SMARCA4: variants seen among roughly 807,000 people sequenced by gnomAD.
The protein encoded by SMARCA4 is SWI/SNF-related matrix-associated actin-dependent regulator of chromatin subfamily A member 4.
A neutral mutation model predicts 193.9 loss-of-function variants in SMARCA4; 31 were observed. The ratio of observed to expected loss-of-function variants is 0.16; its 90% confidence interval spans 0.12 to 0.22. The LOEUF is 0.22. Among genes scored for constraint, SMARCA4 ranks in the 10% least tolerant of loss-of-function variants. The pLI, the probability that SMARCA4 is intolerant of heterozygous loss-of-function variation, is 1.00. For synonymous variants in SMARCA4, 942 were observed against 933.1 expected (o/e 1.01, Z -0.17); for missense variants, 1,148 against 2,296.0 (o/e 0.50, Z 10.22).
chr19:10,963,278 TAGG>T (rs2083947437), intron 1 of SMARCA4, among the ~76,000 whole-genome samples: 1 of 146,750 alleles, frequency 6.8e-6, no homozygotes, highest in Non-Finnish European at 1.5e-5. Context: ...GAGGCTGAGG[TAGG>T]AGGACTGCTT....
At chr19:11,038,563 GTC>G (rs1448777342) in intron 29 of SMARCA4, among the ~76,000 whole-genome samples, 3 of 152,118 alleles carry the variant, frequency 2.0e-5, no homozygotes, top group African/African-American at 7.2e-5. Flanking sequence ...TCATTCTGGT[GTC>G]TCTCTCTTCC....
intron 8 of SMARCA4, among the ~76,000 whole-genome samples, chr19:10,993,567 A>G (rs76614166): frequency 0.015 from 2,283 of 152,186 alleles, 33 homozygotes; most frequent in Non-Finnish European, 0.019. Context: ...CATCCGTGCC[A>G]TGCTGCCCTG....
rs887116483 is a variant in SMARCA4 at position 11,033,092 on chromosome 19, G to C, written c.3547-198G>C. 1.5e-6 allele frequency: 1 copy of C among 655,448 alleles called. No homozygotes were observed. Among genetic ancestry groups the C allele is most frequent in the Non-Finnish European group, 2.8e-6 (1 of 359,052 alleles). 40.6% of individuals were successfully genotyped at this position (655,448 alleles called of 1,614,324 possible). On this transcript the variant is annotated intron_variant, in intron 25 of 34. Coordinates refer to ENST00000344626, the MANE Select transcript of SMARCA4 (RefSeq NM_003072.5). The surrounding 1 kb of genome is among the most constrained non-coding windows in gnomAD (Gnocchi z 9.8). ...TGGCACTTCTGGAGGAACGTGATGA[G>C]AGTCCCCTTCCCCCGAGGGACACAT... is the stretch of plus-strand genomic sequence containing the variant.
chr19:10,995,328 C>G, intron 9 of SMARCA4: 1 of 524,224 alleles, frequency 1.9e-6, no homozygotes, highest in South Asian at 1.5e-5. Context: ...ATAAACATCT[C>G]TGACCATTTA....
At position 11,015,598 on chromosome 19, in the gene SMARCA4, G is replaced by A. The variant is rs936204890; in HGVS notation, c.2438+2486G>A. Among the ~76,000 whole-genome samples, 5 of 152,262 alleles carry A rather than the reference G, an allele frequency of 3.3e-5. No individual in the cohort carries two copies. In the South Asian group the frequency reaches 1.0e-3, roughly 32 times the overall value. The stretch of plus-strand genomic sequence containing the variant: ...CCGTTAATAACTGTCTCGTGGGAAC[G>A]TACTTCGACACTTGTGAATATCTCA... On this transcript the variant is annotated intron_variant, in intron 16 of 34. Transcript: ENST00000344626.
At position 10,986,944 on chromosome 19, in the gene SMARCA4, G is replaced by T. The variant is rs746986969; in HGVS notation, c.800G>T (p.Gly267Val). The change falls in exon 5 of 35, where the codon GGC becomes GTC. Residue 267 changes from glycine (G) to valine (V), a missense_variant. This residue lies in a region of SMARCA4 where 257 missense variants were observed against 276.5 expected (regional missense o/e 0.93). Transcript: ENST00000344626. This position sits in a 1 kb window ranked among gnomAD's most constrained non-coding sequence, Gnocchi z 6.7. ...GPNMPPPGPSGVPPGMPGQPP... is the reference protein window; with the variant it reads ...GPNMPPPGPSVVPPGMPGQPP... ...AACATGCCTCCCCCAGGACCCTCGGGCGTGCCCCCCGGGATGCCAGGCCAG... is the reference window on the plus strand; with the variant it reads ...AACATGCCTCCCCCAGGACCCTCGGTCGTGCCCCCCGGGATGCCAGGCCAG... 6.2e-7 allele frequency: 1 copy of T among 1,611,856 alleles called. No homozygotes were observed.
chr19:10,994,712 G>C, intron 8 of SMARCA4, 116 bp from the exon 9 acceptor site: 1 of 861,892 alleles, frequency 1.2e-6, no homozygotes, highest in Non-Finnish European at 1.9e-6. Flanking sequence ...GCCCTCCTCT[G>C]CCTCCCAAAG....
At chr19:11,024,206 A>C in intron 20 of SMARCA4, 125 bp from the exon 21 acceptor site, 1 of 731,790 alleles carries the variant, frequency 1.4e-6, no homozygotes, top group Non-Finnish European at 2.5e-6. Context: ...CTCCTCACCC[A>C]CACCCCAGTG....
At chr19:11,002,250 C>T (rs566922356) in intron 11 of SMARCA4, among the ~76,000 whole-genome samples, 81 of 152,170 alleles carry the variant, frequency 5.3e-4, no homozygotes, top group Non-Finnish European at 9.0e-4. Context: ...GAGGCCGAGG[C>T]GGGCAGATCA....
In SMARCA4 at chr19:10,964,887, T is replaced by C. The variant is rs139485523; in HGVS notation, c.-32+3713T>C. Among the ~76,000 whole-genome samples, 275 of 152,092 alleles carry C rather than the reference T, an allele frequency of 1.8e-3. 1 individual carries two copies. Among genetic ancestry groups the C allele is most frequent in the Middle Eastern group, 6.8e-3 (2 of 294 alleles). ...CTGCCCACCTCGGCCTCCCAAAGTG[T>C]TGGGATTATAGGCGTGAGCCACCGT... On this transcript the variant is annotated intron_variant, in intron 1 of 34. Transcript: ENST00000344626.
At chr19:11,059,966 C>A (rs576812580) in intron 33 of SMARCA4, 79 bp from the exon 34 acceptor site, 1 of 1,612,512 alleles carries the variant, frequency 6.2e-7, no homozygotes, top group South Asian at 1.1e-5. Flanking sequence ...ACAGCCCTCC[C>A]GGCTCCCAGA....
At chr19:11,026,042 C>T (rs1167295569) in intron 22 of SMARCA4, among the ~76,000 whole-genome samples, 4 of 152,204 alleles carry the variant, frequency 2.6e-5, no homozygotes, top group African/African-American at 4.8e-5. Context: ...GGCCCCATGA[C>T]GTCCTCGTGC....
At chr19:11,022,213 C>G (rs2089927460) in intron 19 of SMARCA4, among the ~76,000 whole-genome samples, 1 of 152,188 alleles carries the variant, frequency 6.6e-6, no homozygotes, top group South Asian at 2.1e-4. Flanking sequence ...ACCCTATGCT[C>G]CAGGTGCAGA....
chr19:10,994,762 C>G (rs2145933655), intron 8 of SMARCA4, 66 bp from the exon 9 acceptor site: 3 of 1,426,162 alleles, frequency 2.1e-6, no homozygotes, highest in Non-Finnish European at 3.0e-6. Flanking sequence ...TTTAAACAAG[C>G]CTTGCGGGGA....
rs2090004346 is a variant in SMARCA4 at position 11,023,245 on chromosome 19, C to T, written c.2860-273C>T. Among the ~76,000 whole-genome samples the T allele has an allele frequency of 2.0e-5, 3 of 152,218 alleles. No homozygotes were observed. The South Asian group carries it at 6.2e-4, about 31-fold the overall frequency. On this transcript the variant is annotated intron_variant, in intron 19 of 34. Coordinates refer to ENST00000344626, the MANE Select transcript of SMARCA4 (RefSeq NM_003072.5). Reference sequence around the variant, plus strand: ...AGCATGCCCGCTGCCGGGGGTCTTTCTGGTGAGGCACAGGGAGCAGAGTGC... The same window carrying T: ...AGCATGCCCGCTGCCGGGGGTCTTTTTGGTGAGGCACAGGGAGCAGAGTGC...
chr19:10,978,433 A>G (rs1181621646), intron 1 of SMARCA4, among the ~76,000 whole-genome samples: 2 of 152,094 alleles, frequency 1.3e-5, no homozygotes, highest in African/African-American at 2.4e-5. Flanking sequence ...TACCGGGTTC[A>G]AGTGATTCTC....
Position 11,030,993 on chromosome 19 carries a change from A to C in SMARCA4, c.3546+100A>C. ...TTGAGGGTCCTCCAGCCTCCTCCACATTGTCTTGGACCCCAGGAGCCGGGA... is the reference window on the plus strand; with the variant it reads ...TTGAGGGTCCTCCAGCCTCCTCCACCTTGTCTTGGACCCCAGGAGCCGGGA... On this transcript the variant is annotated intron_variant, in intron 25 of 34. Transcript: ENST00000344626. This position sits in a 1 kb window ranked among gnomAD's most constrained non-coding sequence, Gnocchi z 5.5. 1 of 1,127,938 alleles carries C rather than the reference A, an allele frequency of 8.9e-7. No homozygotes were observed. Among genetic ancestry groups the C allele is most frequent in the Non-Finnish European group, 1.3e-6 (1 of 771,572 alleles). 69.9% of individuals were successfully genotyped at this position (1,127,938 alleles called of 1,614,324 possible).
In SMARCA4 at chr19:10,976,866, G is replaced by A. The variant is rs150838727; in HGVS notation, c.-31-7255G>A. On this transcript the variant is annotated intron_variant, in intron 1 of 34. Transcript: ENST00000344626. ...GCTCAGGAGTTTGAGACCAGCCTGGGCAACATGGCAAAAACCCTGTCTCTA... is the reference window on the plus strand; with the variant it reads ...GCTCAGGAGTTTGAGACCAGCCTGGACAACATGGCAAAAACCCTGTCTCTA... Among the ~76,000 whole-genome samples the A allele has an allele frequency of 3.9e-4, 60 of 151,964 alleles. 1 individual carries two copies. The highest frequency in any genetic ancestry group is 1.4e-3 in the African/African-American group (59 of 41,428).
At position 10,987,751 on chromosome 19, in the gene SMARCA4, C is replaced by T. The variant is rs1374615306; in HGVS notation, c.945C>T (p.Pro315=). ...CAACGGGCCGCCCTTCCCCCGCGCC[C>T]CCTGCCGTCCCACCCGCCGCCTCGC... ...PQPTGRPSPA[P]PAVPPAASPV... Residue 315 remains proline, a synonymous_variant, in exon 6 of 35, where the codon CCC becomes CCT. Coordinates refer to ENST00000344626, the MANE Select transcript of SMARCA4 (RefSeq NM_003072.5). This position sits in a 1 kb window ranked among gnomAD's most constrained non-coding sequence, Gnocchi z 5.3. 3 of 1,601,708 alleles carry T rather than the reference C, an allele frequency of 1.9e-6. No individual in the cohort carries two copies. The highest frequency in any genetic ancestry group is 1.3e-5 in the African/African-American group (1 of 74,726).
Sources: gnomAD v4.1 joint callset for allele counts (sites outside exome capture counted in the v4.1 genomes callset) on GRCh38, gnomAD v4.1.1 for gene constraint, gnomAD v4.1.1 regional missense constraint, Gnocchi (gnomAD v3.1) non-coding constraint, MANE v1.5 for transcripts, NCBI Gene and HGNC (gene_info 2026-07-23, HGNC 2026-07-21) for gene names.